Variants in TRIM38 observed in about 807,000 individuals in gnomAD.
The protein encoded by TRIM38 is tripartite motif containing 38, also known as E3 ubiquitin-protein ligase TRIM38.
A neutral mutation model predicts 35.8 loss-of-function variants in TRIM38; 35 were observed. The ratio of observed to expected loss-of-function variants is 0.98; its 90% CI spans 0.75 to 1.30. TRIM38 has a LOEUF of 1.30. Among genes scored for constraint, TRIM38 ranks in the 50% most tolerant of loss-of-function variants. The pLI, the probability that TRIM38 is intolerant of heterozygous loss-of-function variation, is 0.00. For missense variants in TRIM38, 545 were observed against 556.9 expected (o/e 0.98, Z 0.21); for synonymous variants, 198 against 204.7 (o/e 0.97, Z 0.28).
intron 7 of TRIM38, chr6:25,974,883 CTG>C: frequency 1.0e-6 from 1 of 985,382 alleles, no homozygotes; most frequent in African/African-American, 1.7e-5. Flanking sequence ...CAAAAGCACT[CTG>C]TATTTCATCC....
At chr6:25,969,886 C>T (rs1369175797) in intron 4 of TRIM38, among the ~76,000 whole-genome samples, 1 of 152,048 alleles carries the variant, frequency 6.6e-6, no homozygotes, top group African/African-American at 2.4e-5. Flanking sequence ...TACTCTAGCT[C>T]ATGAAGCTGA....
At chr6:25,982,461 A>T (rs1032274134) in intron 7 of TRIM38, among the ~76,000 whole-genome samples, 4 of 152,060 alleles carry the variant, frequency 2.6e-5, no homozygotes, top group Non-Finnish European at 5.9e-5. Context: ...CCTCCAATCT[A>T]GTGCTGGCAC....
rs1760345500 is a variant in TRIM38 at position 25,974,925 on chromosome 6, CTT to C, written c.874+1642_874+1643del. 7 of 985,340 alleles carry C rather than the reference CTT, an allele frequency of 7.1e-6. 1 individual carries two copies. The highest frequency in any genetic ancestry group is 1.7e-5 in the African/African-American group (1 of 57,326). The allele number at this position is 985,340 out of a possible 1,614,324, so 61.0% of individuals were successfully genotyped here. A position where few individuals can be genotyped will look rare whatever the true frequency, so the allele number is the denominator to read the frequency against. ...CAGATGACAGGAAGGAAGAACAAGACTTTGTGTAAGTTTTGCTGGGATTTCAC... is the reference window on the plus strand; with the variant it reads ...CAGATGACAGGAAGGAAGAACAAGACTGTGTAAGTTTTGCTGGGATTTCAC... On this transcript the variant is annotated intron_variant, in intron 7 of 7. Coordinates refer to ENST00000357085, the MANE Select transcript of TRIM38 (RefSeq NM_006355.5).
intron 2 of TRIM38, among the ~76,000 whole-genome samples, chr6:25,964,166 T>G (rs1427751234): frequency 6.6e-6 from 1 of 152,144 alleles, no homozygotes; most frequent in African/African-American, 2.4e-5. Context: ...ACAGAGTGAT[T>G]ACCCCCTCTG....
At chr6:25,979,973 T>C (rs1180122372) in intron 7 of TRIM38, among the ~76,000 whole-genome samples, 1 of 152,186 alleles carries the variant, frequency 6.6e-6, no homozygotes, top group African/African-American at 2.4e-5. Flanking sequence ...TTTAGTCATC[T>C]TTTTATTATT....
At chr6:25,975,785 T>A in intron 7 of TRIM38, 1 of 766,210 alleles carries the variant, frequency 1.3e-6, no homozygotes, top group Non-Finnish European at 1.6e-6. Flanking sequence ...AAGAATATAA[T>A]AAATATATGT....
intron 3 of TRIM38, among the ~76,000 whole-genome samples, 171 bp from the exon 4 acceptor site, chr6:25,969,154 A>T (rs748337492): frequency 6.6e-6 from 1 of 152,214 alleles, no homozygotes; most frequent in Non-Finnish European, 1.5e-5. Flanking sequence ...TGCCAAGGGG[A>T]TCAGTATGTT....
intron 4 of TRIM38, among the ~76,000 whole-genome samples, chr6:25,970,171 C>A (rs1291858038): frequency 6.6e-6 from 1 of 152,122 alleles, no homozygotes; most frequent in East Asian, 1.9e-4. Context: ...CCACCTCAGC[C>A]TCCCAAAGTG....
intron 7 of TRIM38, chr6:25,975,657 C>A: frequency 1.0e-6 from 1 of 977,768 alleles, no homozygotes; most frequent in Non-Finnish European, 1.2e-6. Flanking sequence ...TCCCACCCGT[C>A]TCCAATCTGA....
chr6:25,973,414 A>G (rs1760300851), intron 7 of TRIM38, 129 bp downstream of exon 7: 1 of 1,457,428 alleles, frequency 6.9e-7, no homozygotes, highest in African/African-American at 1.4e-5. Flanking sequence ...TAGAGCTTTC[A>G]TACTTTCTCT....
At chr6:25,978,079 A>AAT (rs1007876724) in intron 7 of TRIM38, among the ~76,000 whole-genome samples, 67 of 151,210 alleles carry the variant, frequency 4.4e-4, no homozygotes, top group African/African-American at 1.4e-3. Flanking sequence ...GTGTCTTCAT[A>AAT]ATATATATAT....
In TRIM38 at chr6:25,966,438, T is replaced by C; in HGVS notation, c.-85T>C. 7.2e-7 allele frequency: 1 copy of C among 1,391,302 alleles called. No individual in the cohort carries two copies. The allele number at this position is 1,391,302 out of a possible 1,614,324, so 86.2% of individuals were successfully genotyped here. On this transcript the variant is annotated 5_prime_UTR_variant, in exon 3 of 8. Coordinates refer to ENST00000357085, the MANE Select transcript of TRIM38 (RefSeq NM_006355.5). ...CCAGCTCATCACATAGAGGTGCAGG[T>C]GAGGTGTATTTTCATCACGGTGGAA... is the stretch of plus-strand genomic sequence containing the variant.
At position 25,990,754 on chromosome 6, in the gene TRIM38, T is replaced by G. The variant is rs1027844004; in HGVS notation, c.*7067T>G. 1.3e-5 allele frequency: 2 copies of G among 151,900 alleles called. No individual in the cohort carries two copies. Among genetic ancestry groups the G allele is most frequent in the African/African-American group, 4.8e-5 (2 of 41,432 alleles). 9.4% of individuals were successfully genotyped at this position (151,900 alleles called of 1,614,324 possible). On this transcript the variant is annotated 3_prime_UTR_variant, in exon 8 of 8. Coordinates refer to ENST00000357085, the MANE Select transcript of TRIM38 (RefSeq NM_006355.5). ...AGTATTTCAATTTAATTACTAATTA[T>G]AATTCACAGTTATCCTTGTAACTCC...
Position 25,986,103 on chromosome 6 carries a change from A to C in TRIM38, c.*2416A>C, listed in dbSNP as rs1760698531. The C allele has an allele frequency of 6.6e-6, 1 of 152,200 alleles. No individual in the cohort carries two copies. Among genetic ancestry groups the C allele is most frequent in the African/African-American group, 2.4e-5 (1 of 41,456 alleles). 9.4% of individuals were successfully genotyped at this position (152,200 alleles called of 1,614,324 possible). ...GAACAAAAGAATATATACTGGAATA[A>C]TTTTGAGAGTAATTTGAAGAATTAG... On this transcript the variant is annotated 3_prime_UTR_variant, in exon 8 of 8. Coordinates refer to ENST00000357085, the MANE Select transcript of TRIM38 (RefSeq NM_006355.5).
intron 2 of TRIM38, among the ~76,000 whole-genome samples, chr6:25,963,927 A>AACAACAACAACG (rs1759933904): frequency 6.7e-6 from 1 of 148,298 alleles, no homozygotes; most frequent in Non-Finnish European, 1.5e-5. Flanking sequence ...CAACAACAAC[A>AACAACAACAACG]AAAACACAAA....
chr6:25,983,228 A>G lies in TRIM38; in HGVS notation c.939A>G (p.Gln313=), dbSNP rs1235653747. The change falls in exon 8 of 8, where the codon CAA becomes CAG. Residue 313 remains glutamine (Q), a synonymous_variant. Coordinates refer to ENST00000357085, the MANE Select transcript of TRIM38 (RefSeq NM_006355.5). ...HELILSEDRR[Q]VTRGYTQENQ... is the part of the protein sequence containing the mutation. The stretch of plus-strand genomic sequence containing the variant: ...TAATTCTCTCTGAGGATCGGAGACA[A>G]GTGACTCGTGGATACACCCAGGAGA... 1.2e-6 allele frequency: 2 copies of G among 1,613,888 alleles called. No individual in the cohort carries two copies. The highest frequency in any genetic ancestry group is 2.7e-5 in the African/African-American group (2 of 74,922).
At position 25,983,754 on chromosome 6, in the gene TRIM38, A is replaced by T; in HGVS notation, c.*67A>T. 1 of 1,422,274 alleles carries T rather than the reference A, an allele frequency of 7.0e-7. No homozygotes were observed. Among genetic ancestry groups the T allele is most frequent in the Non-Finnish European group, 9.4e-7 (1 of 1,062,918 alleles). 88.1% of individuals were successfully genotyped at this position (1,422,274 alleles called of 1,614,324 possible). On this transcript the variant is annotated 3_prime_UTR_variant, in exon 8 of 8. Transcript: ENST00000357085. ...AATAATATAAATCCCATAAGGGCAG[A>T]CGTTTGGTCTGTTTTCTTCGCTGTC...
chr6:25,965,926 A>C (rs952509767), intron 2 of TRIM38, among the ~76,000 whole-genome samples: 1 of 151,952 alleles, frequency 6.6e-6, no homozygotes, highest in Non-Finnish European at 1.5e-5. Context: ...TCTCATTAAA[A>C]AAAAAAAAAA....
At chr6:25,972,589 A>G (rs1449704444) in intron 5 of TRIM38, among the ~76,000 whole-genome samples, 2 of 152,198 alleles carry the variant, frequency 1.3e-5, no homozygotes, top group Non-Finnish European at 2.9e-5. Context: ...GTATAGCATG[A>G]TTGCTTTACC....
Sources: gnomAD v4.1 joint callset for allele counts (sites outside exome capture counted in the v4.1 genomes callset) on GRCh38, gnomAD v4.1.1 for gene constraint, MANE v1.5 for transcripts, NCBI Gene and HGNC (gene_info 2026-07-23, HGNC 2026-07-21) for gene names.